ZNF195: variants seen among roughly 807,000 people sequenced by gnomAD.
The protein encoded by ZNF195 is hypoxia-regulated factor-1.
Under a neutral mutation model 19.5 loss-of-function variants are expected in ZNF195, and 11 were observed. The ratio of observed to expected loss-of-function variants is 0.57; its 90% CI spans 0.36 to 0.94. ZNF195 has a LOEUF of 0.94. Among genes scored for constraint, ZNF195 ranks in the 40% least tolerant of loss-of-function variants. ZNF195 has a pLI of 0.01. For synonymous variants in ZNF195, 214 were observed against 248.1 expected (o/e 0.86, Z 1.29); for missense variants, 582 against 709.0 (o/e 0.82, Z 2.03).
chr11:3,361,677 G>A, intron 4 of ZNF195, 66 bp downstream of exon 4: 1 of 1,275,598 alleles, frequency 7.8e-7, no homozygotes, highest in Non-Finnish European at 1.0e-6. Context: ...AGTTTCCAAA[G>A]TCAAAGGAGA....
chr11:3,373,646 A>G, intron 1 of ZNF195: 4 of 1,548,176 alleles, frequency 2.6e-6, no homozygotes, highest in Non-Finnish European at 3.5e-6. Flanking sequence ...GATTCTCTGG[A>G]CAAATCACAC....
In ZNF195 at chr11:3,358,900, A is replaced by C. The variant is rs1279797847; in HGVS notation, c.*218T>G. ...GTTGGGTTTCTCTACAAATTTTCTG[A>C]AAGTTTAAGCAACTGATGCAAGTCT... On this transcript the variant is annotated 3_prime_UTR_variant, in exon 6 of 6. Coordinates refer to ENST00000399602, the MANE Select transcript of ZNF195 (RefSeq NM_001130520.3). 1.9e-6 allele frequency: 1 copy of C among 536,326 alleles called. No homozygotes were observed. The highest frequency in any genetic ancestry group is 2.8e-6 in the Non-Finnish European group (1 of 353,074). 33.2% of individuals were successfully genotyped at this position (536,326 alleles called of 1,614,324 possible). A position where few individuals can be genotyped will look rare whatever the true frequency, so the allele number is the denominator to read the frequency against.
rs533109591 is a variant in ZNF195, at chr11:3,361,776, G to T, written c.340C>A (p.Pro114Thr). 2 of 1,262,874 alleles carry T rather than the reference G, an allele frequency of 1.6e-6. No individual in the cohort carries two copies. The highest frequency in any genetic ancestry group is 2.5e-5 in the South Asian group (2 of 80,120). The allele number at this position is 1,262,874 out of a possible 1,614,324, so 78.2% of individuals were successfully genotyped here. A position where few individuals can be genotyped will look rare whatever the true frequency, so the allele number is the denominator to read the frequency against. The stretch of plus-strand genomic sequence containing the variant: ...TTGTCCACAGAAACATTGAGGCCTG[G>T]CTGGGCACGGTGGTTCACACCTGTA... ...GITGVNHRAQ[P>T]GLNVSVDKFT... is the part of the protein sequence containing the mutation. The change falls in exon 4 of 6, where the codon CCA becomes ACA. Residue 114 changes from proline (P) to threonine (T), a missense_variant. By Grantham distance (38) the Pro-to-Thr change is conservative (BLOSUM62 -1). Coordinates refer to ENST00000399602, the MANE Select transcript of ZNF195 (RefSeq NM_001130520.3).
Position 3,358,971 on chromosome 11 carries a change from G to A in ZNF195, c.*147C>T, listed in dbSNP as rs1848499964. The A allele has an allele frequency of 3.8e-6, 4 of 1,045,296 alleles. No homozygotes were observed. The Admixed American group carries it at 1.5e-4, about 38-fold the overall frequency. 64.8% of individuals were successfully genotyped at this position (1,045,296 alleles called of 1,614,324 possible). A position where few individuals can be genotyped will look rare whatever the true frequency, so the allele number is the denominator to read the frequency against. ...CATTTTTTTCAGAAGAAATACTCTT[G>A]TGTGCTCTGGAGACTTATATTTCAT... On this transcript the variant is annotated 3_prime_UTR_variant, in exon 6 of 6. Coordinates refer to ENST00000399602, the MANE Select transcript of ZNF195 (RefSeq NM_001130520.3).
chr11:3,361,176 A>T (rs539906505), intron 4 of ZNF195, among the ~76,000 whole-genome samples: 14 of 152,134 alleles, frequency 9.2e-5, no homozygotes, highest in Non-Finnish European at 1.9e-4. Flanking sequence ...TACACACACA[A>T]TTCCACACAA....
rs1436184341 is a variant in ZNF195, at chr11:3,358,500, G to A, written c.*618C>T. ...GAAAAGAATTTCTCATATCTCTGAC[G>A]CAGCAACAACTGACCATGTGTTTTC... On this transcript the variant is annotated 3_prime_UTR_variant, in exon 6 of 6. Coordinates refer to ENST00000399602, the MANE Select transcript of ZNF195 (RefSeq NM_001130520.3). The A allele has an allele frequency of 3.9e-5, 6 of 152,162 alleles. No individual in the cohort carries two copies. Among genetic ancestry groups the A allele is most frequent in the Non-Finnish European group, 7.3e-5 (5 of 68,034 alleles). 9.4% of individuals were successfully genotyped at this position (152,162 alleles called of 1,614,324 possible). A position where few individuals can be genotyped will look rare whatever the true frequency, so the allele number is the denominator to read the frequency against.
chr11:3,366,983 C>G (rs775502858), intron 3 of ZNF195: 13 of 451,500 alleles, frequency 2.9e-5, no homozygotes, highest in Admixed American at 1.2e-4. Context: ...GAAGAAGGCT[C>G]GAGCCCAGGA....
chr11:3,360,834 T>C (rs1465900442), intron 4 of ZNF195, 46 bp from the exon 5 acceptor site: 2 of 1,523,086 alleles, frequency 1.3e-6, no homozygotes, highest in Non-Finnish European at 1.8e-6. Context: ...GTTTACCCAC[T>C]GCAGCCCCCG....
intron 1 of ZNF195, chr11:3,377,614 T>G (rs1849528559): frequency 8.2e-7 from 1 of 1,217,684 alleles, no homozygotes; most frequent in African/African-American, 1.6e-5. Context: ...CCTAAGTGGT[T>G]ACCTCTTTAG....
intron 3 of ZNF195, among the ~76,000 whole-genome samples, chr11:3,364,419 T>C (rs1357491669): frequency 6.6e-6 from 1 of 152,170 alleles, no homozygotes; most frequent in Non-Finnish European, 1.5e-5. Context: ...AGATATATAA[T>C]ACTTTACTAT....
At chr11:3,373,730 A>G (rs10833821) in intron 1 of ZNF195, 734,762 of 1,108,872 alleles carry the variant, frequency 0.66, 244,984 homozygotes, top group Admixed American at 0.75. Context: ...CCATCAACAG[A>G]AAGACCAAGA....
chr11:3,378,370 C>T (rs1214678908), intron 1 of ZNF195, among the ~76,000 whole-genome samples: 2 of 45,628 alleles, frequency 4.4e-5, no homozygotes. Flanking sequence ...GCCCTGGGTT[C>T]TTAGGTTAAA....
chr11:3,369,851 T>C lies in ZNF195; in HGVS notation c.226+1124A>G, dbSNP rs376815296. 6.6e-5 allele frequency among the ~76,000 whole-genome samples: 10 copies of C among 152,342 alleles called. No homozygotes were observed. In the East Asian group the frequency reaches 7.7e-4, roughly 12 times the overall value. On this transcript the variant is annotated intron_variant, in intron 3 of 5. Transcript: ENST00000399602. ...TAATAATCTTTTGTATGCTTAAAGT[T>C]TGCCAACGGTAGACATTAACTGTTC...
intron 3 of ZNF195, among the ~76,000 whole-genome samples, chr11:3,364,952 T>TA (rs917255272): frequency 6.6e-5 from 10 of 151,162 alleles, no homozygotes; most frequent in Middle Eastern, 3.2e-3. Context: ...AAAGTGAAAA[T>TA]AAAAAAAAAT....
chr11:3,369,256 G>GA, intron 3 of ZNF195: 1 of 233,118 alleles, frequency 4.3e-6, no homozygotes, highest in South Asian at 4.9e-5. Context: ...AGGATGTAAA[G>GA]AAAAAACAAT....
intron 3 of ZNF195, among the ~76,000 whole-genome samples, chr11:3,369,015 G>C (rs1392945694): frequency 6.6e-6 from 1 of 152,120 alleles, no homozygotes. Flanking sequence ...TCATTTTTTA[G>C]ACACGACACC....
chr11:3,377,542 G>T, intron 1 of ZNF195: 1 of 1,027,108 alleles, frequency 9.7e-7, no homozygotes, highest in Non-Finnish European at 1.2e-6. Context: ...GCATGTGATT[G>T]GCTGATCAGC....
At chr11:3,369,681 G>A (rs4758575) in intron 3 of ZNF195, among the ~76,000 whole-genome samples, 2 of 152,246 alleles carry the variant, frequency 1.3e-5, no homozygotes, top group South Asian at 2.1e-4. Context: ...GGAATCTGTC[G>A]TGGCTGAACT....
At chr11:3,377,053 C>T (rs1849500859) in intron 1 of ZNF195, among the ~76,000 whole-genome samples, 1 of 152,288 alleles carries the variant, frequency 6.6e-6, no homozygotes, top group African/African-American at 2.4e-5. Flanking sequence ...ACTTTCTACC[C>T]TTAATCACTC....
Sources: gnomAD v4.1 joint callset for allele counts (sites outside exome capture counted in the v4.1 genomes callset) on GRCh38, gnomAD v4.1.1 for gene constraint, MANE v1.5 for transcripts, NCBI Gene and HGNC (gene_info 2026-07-23, HGNC 2026-07-21) for gene names.